The following EYS variants were observed in gnomAD, a reference collection of about 807,000 sequenced individuals.
EYS encodes EGF-like photoreceptor maintenance factor.
Under a neutral mutation model 282.1 loss-of-function variants are expected in EYS, and 250 were observed. The ratio of observed to expected loss-of-function variants is 0.89; its 90% CI spans 0.80 to 0.98. The LOEUF (loss-of-function observed/expected upper bound fraction) is 0.98, where lower values mean the gene tolerates loss of function less well. Among genes scored for constraint, EYS ranks in the 50% least tolerant of loss-of-function variants. The pLI, the probability that EYS is intolerant of heterozygous loss-of-function variation, is 0.00. For synonymous variants in EYS, 1,355 were observed against 1,282.9 expected, an observed-to-expected ratio of 1.06 and a Z score of -1.20; for missense variants, 4,016 against 3,709.0, an observed-to-expected ratio of 1.08 and a Z score of -2.15.
chr6:65,245,589 G>A (rs950638820), intron 12 of EYS, among the ~76,000 whole-genome samples: 18 of 151,576 alleles, frequency 1.2e-4, no homozygotes, highest in African/African-American at 2.9e-4. Flanking sequence ...GTTCTTGTGC[G>A]TTTCCCTGAA....
chr6:65,663,301 T>C (rs1177322907), intron 1 of EYS, among the ~76,000 whole-genome samples: 1 of 152,164 alleles, frequency 6.6e-6, no homozygotes, highest in East Asian at 1.9e-4. Context: ...TCTAAGAGTA[T>C]ATGGCACAGG....
intron 31 of EYS, among the ~76,000 whole-genome samples, chr6:64,211,803 C>T (rs1031151678): frequency 6.2e-4 from 93 of 151,156 alleles, no homozygotes; most frequent in African/African-American, 2.1e-3. Context: ...AGACATGATA[C>T]TGTTTAACCT....
chr6:64,557,815 A>C (rs1466873082), intron 26 of EYS, among the ~76,000 whole-genome samples: 1 of 152,108 alleles, frequency 6.6e-6, no homozygotes, highest in African/African-American at 2.4e-5. Flanking sequence ...GTCAGAACAC[A>C]ATCAGATTCA....
intron 2 of EYS, among the ~76,000 whole-genome samples, chr6:65,562,552 A>G (rs577408016): frequency 6.6e-6 from 1 of 152,196 alleles, no homozygotes; most frequent in African/African-American, 2.4e-5. Flanking sequence ...TGAAGTAGGT[A>G]TACCATGTTC....
At position 64,178,115 on chromosome 6, in the gene EYS, T is replaced by C. The variant is rs372573172; in HGVS notation, c.6424+52477A>G. Among the ~76,000 whole-genome samples, 8 of 152,242 alleles carry C rather than the reference T, an allele frequency of 5.3e-5. No homozygotes were observed. The East Asian group carries it at 1.4e-3, about 26-fold the overall frequency. On this transcript the variant is annotated intron_variant, in intron 31 of 42. Coordinates refer to ENST00000503581, the MANE Select transcript of EYS (RefSeq NM_001142800.2). ...GCTATGAAAGAAGCGATACAGGTTA[T>C]TAGTTTTCCATCTGTTAAATTTTTC...
At chr6:65,176,627 G>C (rs1039049259) in intron 12 of EYS, among the ~76,000 whole-genome samples, 1 of 151,526 alleles carries the variant, frequency 6.6e-6, no homozygotes, top group Non-Finnish European at 1.5e-5. Context: ...TGGGATTTAA[G>C]TTTCTCCACC....
chr6:64,700,856 A>G (rs904560517), intron 22 of EYS, among the ~76,000 whole-genome samples: 4 of 152,024 alleles, frequency 2.6e-5, no homozygotes, highest in Non-Finnish European at 5.9e-5. Flanking sequence ...CACGTTTTAC[A>G]GAATAAAAAC....
Position 65,101,297 on chromosome 6 carries a change from C to G in EYS, c.2024-43570G>C, listed in dbSNP as rs1317927330. ...TTAGTTAATGAGCCACTACAAATTA[C>G]AAACCACTGTGTGCCTGATAATATA... On this transcript the variant is annotated intron_variant, in intron 12 of 42. Coordinates refer to ENST00000503581, the MANE Select transcript of EYS (RefSeq NM_001142800.2). Among the ~76,000 whole-genome samples the G allele has an allele frequency of 2.0e-5, 3 of 151,312 alleles. No homozygotes were observed. In the South Asian group the frequency reaches 6.2e-4, roughly 31 times the overall value.
chr6:65,433,563 A>G (rs1582284955), intron 5 of EYS, among the ~76,000 whole-genome samples: 1 of 152,206 alleles, frequency 6.6e-6, no homozygotes, highest in Admixed American at 6.5e-5. Flanking sequence ...GATGAAAGTA[A>G]TAACACCCAG....
intron 13 of EYS, among the ~76,000 whole-genome samples, chr6:64,999,047 T>C (rs558627614): frequency 2.0e-5 from 3 of 152,260 alleles, no homozygotes; most frequent in Non-Finnish European, 2.9e-5. Context: ...AAACAGATTG[T>C]TAAAAAAATA....
At chr6:64,633,158 G>A (rs1337874367) in intron 22 of EYS, among the ~76,000 whole-genome samples, 1 of 152,002 alleles carries the variant, frequency 6.6e-6, no homozygotes, top group Non-Finnish European at 1.5e-5. Flanking sequence ...GTTATTCTTA[G>A]CAATTATTGT....
chr6:65,202,138 T>C (rs1765918605), intron 12 of EYS, among the ~76,000 whole-genome samples: 1 of 151,888 alleles, frequency 6.6e-6, no homozygotes, highest in South Asian at 2.1e-4. Context: ...TTTACAACCA[T>C]GGCTTACATG....
At chr6:65,691,768 A>G (rs1769253928) in intron 1 of EYS, among the ~76,000 whole-genome samples, 1 of 150,398 alleles carries the variant, frequency 6.6e-6, no homozygotes, top group Non-Finnish European at 1.5e-5. Context: ...ATAAAGTGTA[A>G]GGATGGGGTC....
chr6:64,723,435 T>C (rs1374595395), intron 22 of EYS, among the ~76,000 whole-genome samples: 1 of 152,212 alleles, frequency 6.6e-6, no homozygotes, highest in Admixed American at 6.5e-5. Context: ...GCTTTAATAA[T>C]CTTTATTGCA....
intron 19 of EYS, among the ~76,000 whole-genome samples, chr6:64,846,353 G>T (rs570636604): frequency 3.5e-4 from 54 of 152,154 alleles, no homozygotes; most frequent in African/African-American, 1.2e-3. Context: ...TACTGTTCAC[G>T]TTCTCAAGAC....
intron 28 of EYS, among the ~76,000 whole-genome samples, chr6:64,392,397 T>C (rs1458884662): frequency 6.7e-6 from 1 of 150,022 alleles, no homozygotes; most frequent in African/African-American, 2.5e-5. Flanking sequence ...CCTCAGCAAA[T>C]GTAAAAGAAC....
chr6:65,032,362 A>C (rs375412293), intron 13 of EYS, among the ~76,000 whole-genome samples: 1 of 152,164 alleles, frequency 6.6e-6, no homozygotes. Context: ...CAAATCTCAT[A>C]TTGAATGAAA....
At chr6:65,209,707 A>C (rs1265364299) in intron 12 of EYS, among the ~76,000 whole-genome samples, 1 of 151,918 alleles carries the variant, frequency 6.6e-6, no homozygotes, top group African/African-American at 2.4e-5. Context: ...AATGCGTTAC[A>C]AGAAAGCCTG....
At chr6:64,361,882 C>T (rs1324755907) in intron 29 of EYS, among the ~76,000 whole-genome samples, 4 of 151,744 alleles carry the variant, frequency 2.6e-5, no homozygotes, top group Admixed American at 2.6e-4. Flanking sequence ...TAGAAATAGG[C>T]CATGCTATTA....
Sources: gnomAD v4.1 joint callset for allele counts (sites outside exome capture counted in the v4.1 genomes callset) on GRCh38, gnomAD v4.1.1 for gene constraint, MANE v1.5 for transcripts, NCBI Gene and HGNC (gene_info 2026-07-23, HGNC 2026-07-21) for gene names.